The following ANK3 variants were observed in gnomAD, a reference collection of about 807,000 sequenced individuals.
The protein encoded by ANK3 is ankyrin-3.
Under a neutral mutation model 370.9 loss-of-function variants are expected in ANK3, and 57 were observed. The ratio of observed to expected loss-of-function variants is 0.15; its 90% CI spans 0.12 to 0.19. The LOEUF is 0.19. Among genes scored for constraint, ANK3 ranks in the 10% least tolerant of loss-of-function variants. The probability of loss-of-function intolerance (pLI) is 1.00; values close to 1 mark genes in which losing one functional copy is unlikely to be tolerated. For missense variants in ANK3, 4,439 were observed against 5,302.1 expected (o/e 0.84, Z 5.06); for synonymous variants, 1,929 against 1,946.3 (o/e 0.99, Z 0.23).
rs144372616 is a variant in ANK3, at chr10:60,430,828, T to C, written c.97-151189A>G. On this transcript the variant is annotated intron_variant, in intron 2 of 43. Coordinates refer to the ANK3 transcript ENST00000373827. ...ATAAAAAAAAAACTTGGATTTGAATTCTTACTCTACTATCTCTTAGCTGTG... is the reference window on the plus strand; with the variant it reads ...ATAAAAAAAAAACTTGGATTTGAATCCTTACTCTACTATCTCTTAGCTGTG... Among the ~76,000 whole-genome samples the C allele has an allele frequency of 3.5e-4, 54 of 152,298 alleles. No individual in the cohort carries two copies. In the East Asian group the frequency reaches 0.01, roughly 28 times the overall value.
intron 2 of ANK3, among the ~76,000 whole-genome samples, chr10:60,445,164 C>A (rs895360885): frequency 6.6e-6 from 1 of 152,078 alleles, no homozygotes; most frequent in South Asian, 2.1e-4. Context: ...GTGGCTCACG[C>A]CTATGCTTGA....
chr10:60,140,744 C>G lies in ANK3; in HGVS notation c.2615-1657G>C, dbSNP rs2094524302. On this transcript the variant is annotated intron_variant, in intron 23 of 43. Transcript: ENST00000280772. Reference sequence around the variant, plus strand: ...GACAGAATGGTGACATAAATGCAAGCCCCTGAGTTATTTGTATGTAAATAT... The same window carrying G: ...GACAGAATGGTGACATAAATGCAAGGCCCTGAGTTATTTGTATGTAAATAT... 8.1e-6 allele frequency: 9 copies of G among 1,108,282 alleles called. No individual in the cohort carries two copies. The South Asian group carries it at 2.8e-4, about 34-fold the overall frequency. 68.7% of individuals were successfully genotyped at this position (1,108,282 alleles called of 1,614,324 possible).
intron 2 of ANK3, among the ~76,000 whole-genome samples, chr10:60,551,252 A>G (rs1358060455): frequency 6.6e-6 from 1 of 152,146 alleles, no homozygotes; most frequent in Admixed American, 6.6e-5. Flanking sequence ...TCAATAACAG[A>G]TCAAAGAACA....
chr10:60,031,103 GT>G (rs1375157526), intron 43 of ANK3, among the ~76,000 whole-genome samples: 8 of 6,578 alleles, frequency 1.2e-3, no homozygotes, highest in African/African-American at 0.011. Context: ...TGCTTTGTAA[GT>G]AAGTCTCTCA....
intron 2 of ANK3, among the ~76,000 whole-genome samples, chr10:60,476,358 A>G (rs2075065007): frequency 6.6e-6 from 1 of 152,196 alleles, no homozygotes; most frequent in Non-Finnish European, 1.5e-5. Context: ...TAGAGGATAA[A>G]CAATAATATA....
At chr10:60,401,906 C>A (rs527740496) in intron 2 of ANK3, among the ~76,000 whole-genome samples, 7 of 152,124 alleles carry the variant, frequency 4.6e-5, no homozygotes, top group African/African-American at 1.7e-4. Context: ...CCTGACTTAA[C>A]GGCTAGGCTA....
intron 2 of ANK3, among the ~76,000 whole-genome samples, chr10:60,471,494 TGTACCAACAG>T (rs1426272510): frequency 1.3e-5 from 2 of 152,144 alleles, no homozygotes; most frequent in African/African-American, 4.8e-5. Context: ...GTTGCATGGA[TGTACCAACAG>T]TCATTTGTTG....
At chr10:60,725,323 C>T (rs966259111) in intron 1 of ANK3, among the ~76,000 whole-genome samples, 3 of 151,784 alleles carry the variant, frequency 2.0e-5, no homozygotes, top group African/African-American at 7.3e-5. Flanking sequence ...CCTCCCATTC[C>T]CCTCCACCAC....
At chr10:60,710,450 T>C (rs2079688622) in intron 1 of ANK3, among the ~76,000 whole-genome samples, 1 of 152,214 alleles carries the variant, frequency 6.6e-6, no homozygotes, top group African/African-American at 2.4e-5. Context: ...ATAATAGAGT[T>C]TCCTATATTT....
At chr10:60,356,269 C>T (rs551781072) in intron 1 of ANK3, among the ~76,000 whole-genome samples, 1 of 152,310 alleles carries the variant, frequency 6.6e-6, no homozygotes, top group African/African-American at 2.4e-5. Context: ...GTTCTGAGTT[C>T]ACATACATAG....
rs577407817 is a variant in ANK3, at chr10:60,289,486, G to T, written c.115-9847C>A. Among the ~76,000 whole-genome samples, 5 of 151,538 alleles carry T rather than the reference G, an allele frequency of 3.3e-5. No individual in the cohort carries two copies. In the East Asian group the frequency reaches 9.7e-4, roughly 30 times the overall value. ...GAGTGCAGTGGCATTATCATGGCTC[G>T]CTGTAGCCTCGATCTCCCCAGGCTC... On this transcript the variant is annotated intron_variant, in intron 1 of 43. Transcript: ENST00000280772.
chr10:60,699,498 G>A (rs984227012), intron 1 of ANK3, among the ~76,000 whole-genome samples: 2 of 152,002 alleles, frequency 1.3e-5, no homozygotes, highest in African/African-American at 4.8e-5. Flanking sequence ...AATTTATGCT[G>A]TTAATTGTAA....
chr10:60,083,394 G>T (rs2085787760), intron 33 of ANK3, 98 bp downstream of exon 33: 2 of 1,271,902 alleles, frequency 1.6e-6, no homozygotes, highest in Non-Finnish European at 2.2e-6. Flanking sequence ...ATTTGACGGG[G>T]TATTTCAAAT....
At chr10:60,276,998 A>G (rs1477509297) in intron 4 of ANK3, among the ~76,000 whole-genome samples, 1 of 152,220 alleles carries the variant, frequency 6.6e-6, no homozygotes, top group Non-Finnish European at 1.5e-5. Flanking sequence ...CCTTTCTGGA[A>G]AAGCATTATT....
intron 17 of ANK3, 169 bp downstream of exon 17, chr10:60,186,546 A>G (rs2096339283): frequency 1.3e-6 from 1 of 759,266 alleles, no homozygotes. Flanking sequence ...GTTTAAACAG[A>G]TTGTTTCCAA....
rs756015368 is a variant in ANK3, at chr10:60,733,271, G to T, written c.49C>A (p.Pro17Thr). 5.6e-6 allele frequency: 7 copies of T among 1,239,084 alleles called. No individual in the cohort carries two copies. In the East Asian group the frequency reaches 2.2e-4, roughly 39 times the overall value. The allele number at this position is 1,239,084 out of a possible 1,614,324, so 76.8% of individuals were successfully genotyped here. The stretch of plus-strand genomic sequence containing the variant: ...GGCGGCGCGGCGCTCACCTGGGCAG[G>T]AGCGGAGTCCTCGGTGCCCGCGGGA... The change falls in exon 1 of 44, where the codon CCT becomes ACT. Residue 17 changes from proline (P) to threonine (T), a missense_variant. By Grantham distance (38) the Pro-to-Thr change is conservative (BLOSUM62 -1). Coordinates refer to the ANK3 transcript ENST00000373827.
At chr10:60,272,250 T>C (rs562466931) in intron 4 of ANK3, among the ~76,000 whole-genome samples, 1 of 152,102 alleles carries the variant, frequency 6.6e-6, no homozygotes, top group Admixed American at 6.6e-5. Flanking sequence ...CATTTTCTAA[T>C]TGGACCAAAA....
chr10:60,731,934 AACC>A (rs2080028174), intron 1 of ANK3, among the ~76,000 whole-genome samples: 2 of 152,222 alleles, frequency 1.3e-5, no homozygotes, highest in African/African-American at 4.8e-5. Context: ...TAGCAATCAA[AACC>A]ACCAATTGAC....
In ANK3 at chr10:60,198,399, G is replaced by A. The variant is rs780344506; in HGVS notation, c.1630C>T (p.His544Tyr). 8.1e-6 allele frequency: 13 copies of A among 1,614,090 alleles called. No homozygotes were observed. The highest frequency in any genetic ancestry group is 8.5e-6 in the Non-Finnish European group (10 of 1,180,038). The change falls in exon 14 of 44, where the codon CAT (histidine) becomes TAT (tyrosine). Residue 544 changes from histidine to tyrosine, a missense_variant. Physicochemically the swap from His to Tyr is moderately conservative, Grantham distance 83. This residue lies in a region of ANK3 where 227 missense variants were observed against 377.6 expected (regional missense o/e 0.60). Coordinates refer to ENST00000280772, the MANE Select transcript of ANK3 (RefSeq NM_020987.5). ...TPLHLSAREG[H>Y]EDVAAFLLDH... ...AAAAGGAACGCGGCCACATCCTCAT[G>A]CCCCTCTCGGGCGGAAAGGTGAAGT...
Sources: allele counts gnomAD v4.1 joint callset (sites outside exome capture counted in the v4.1 genomes callset), GRCh38; gene constraint gnomAD v4.1.1; regional missense constraint gnomAD v4.1.1; transcripts MANE v1.5; gene names NCBI Gene and HGNC (gene_info 2026-07-23, HGNC 2026-07-21).